NAV3: variants seen among roughly 807,000 people sequenced by gnomAD.
NAV3 encodes the protein neuron navigator 3.
A neutral mutation model predicts 244.7 loss-of-function variants in NAV3; 87 were observed. That is an observed-to-expected ratio of 0.36 (90% confidence interval 0.30 to 0.42). The LOEUF (loss-of-function observed/expected upper bound fraction) is 0.42, where lower values mean the gene tolerates loss of function less well. Ranked by LOEUF, NAV3 falls within the 20% of genes least tolerant of loss-of-function variation. The pLI is 1.00. For synonymous variants in NAV3, 1,126 were observed against 1,042.2 expected (o/e 1.08, Z -1.55); for missense variants, 2,663 against 2,893.3 (o/e 0.92, Z 1.83).
intron 2 of NAV3, among the ~76,000 whole-genome samples, chr12:77,701,657 C>T (rs1875569343): frequency 6.6e-6 from 1 of 151,884 alleles, no homozygotes; most frequent in Non-Finnish European, 1.5e-5. Context: ...AACTGCACCT[C>T]ACTAATTTTG....
chr12:78,159,177 CTA>C, intron 22 of NAV3, 24 bp from the exon 23 acceptor site: 1 of 1,594,836 alleles, frequency 6.3e-7, no homozygotes, highest in Non-Finnish European at 8.6e-7. Flanking sequence ...GACATTTAAA[CTA>C]TGTTTCTTCC....
chr12:77,748,824 T>C (rs1006224566), intron 2 of NAV3, among the ~76,000 whole-genome samples: 1 of 152,096 alleles, frequency 6.6e-6, no homozygotes, highest in Non-Finnish European at 1.5e-5. Context: ...CTCTAGTCAG[T>C]GATATTGTAT....
chr12:77,910,393 T>C (rs893890477), intron 1 of NAV3, among the ~76,000 whole-genome samples: 3 of 151,930 alleles, frequency 2.0e-5, no homozygotes, highest in Non-Finnish European at 2.9e-5. Context: ...CTGATTACCA[T>C]AGGGAGGGCA....
At chr12:78,105,196 G>C (rs980994328) in intron 12 of NAV3, among the ~76,000 whole-genome samples, 2 of 152,038 alleles carry the variant, frequency 1.3e-5, no homozygotes, top group East Asian at 3.9e-4. Flanking sequence ...AATTTGATGG[G>C]ACAGAAATGT....
At chr12:77,892,874 A>C (rs2136776714) in intron 1 of NAV3, among the ~76,000 whole-genome samples, 1 of 152,286 alleles carries the variant, frequency 6.6e-6, no homozygotes, top group African/African-American at 2.4e-5. Context: ...AAAAGTGATA[A>C]ATTTATGTTG....
intron 2 of NAV3, among the ~76,000 whole-genome samples, chr12:77,709,527 T>C (rs1364280536): frequency 6.6e-6 from 1 of 152,194 alleles, no homozygotes; most frequent in East Asian, 1.9e-4. Flanking sequence ...ATGGGTGCCA[T>C]GAAGATGCTT....
chr12:78,070,987 G>C (rs300419), intron 12 of NAV3, among the ~76,000 whole-genome samples: 1 of 142,308 alleles, frequency 7.0e-6, no homozygotes. Context: ...AGTCTTTGCT[G>C]TTGTGAATAA....
At chr12:78,159,314 T>G (rs1957428256) in intron 23 of NAV3, 28 bp downstream of exon 23, 1 of 1,583,332 alleles carries the variant, frequency 6.3e-7, no homozygotes, top group African/African-American at 1.4e-5. Flanking sequence ...CACTGGAGAC[T>G]GAAAGAAGAC....
Position 78,000,589 on chromosome 12 carries a change from C to T in NAV3, c.880+2113C>T, listed in dbSNP as rs1321371035. Among the ~76,000 whole-genome samples the T allele has an allele frequency of 1.8e-3, 256 of 140,992 alleles. 2 individuals are homozygous for T. Among genetic ancestry groups the T allele is most frequent in the African/African-American group, 6.4e-3 (243 of 38,258 alleles). 92.5% of individuals were successfully genotyped at this position (140,992 alleles called of 152,430 possible). A position where few individuals can be genotyped will look rare whatever the true frequency, so the allele number is the denominator to read the frequency against. Reference sequence around the variant, plus strand: ...CGCGATCTCGGCTCACTGCAAGCTCCGCCTCCCGGGTTCACGCCATTCACC... The same window carrying T: ...CGCGATCTCGGCTCACTGCAAGCTCTGCCTCCCGGGTTCACGCCATTCACC... On this transcript the variant is annotated intron_variant, in intron 7 of 39. Coordinates refer to ENST00000397909, the MANE Select transcript of NAV3 (RefSeq NM_001024383.2).
At chr12:77,717,620 T>C (rs1876420073) in intron 2 of NAV3, among the ~76,000 whole-genome samples, 1 of 152,122 alleles carries the variant, frequency 6.6e-6, no homozygotes, top group South Asian at 2.1e-4. Context: ...TATCCAGCAG[T>C]GGGATTGCTG....
At chr12:77,950,786 T>C (rs1265823040) in intron 3 of NAV3, 1 of 152,182 alleles carries the variant, frequency 6.6e-6, no homozygotes, top group Non-Finnish European at 1.5e-5. Flanking sequence ...CATGTGATCT[T>C]TGACAAACCT....
chr12:77,671,536 A>C (rs11106208), intron 2 of NAV3, among the ~76,000 whole-genome samples: 1 of 152,116 alleles, frequency 6.6e-6, no homozygotes, highest in African/African-American at 2.4e-5. Flanking sequence ...GTGGTCACCA[A>C]AACAGCATGA....
At chr12:78,039,497 A>G (rs1880487750) in intron 9 of NAV3, among the ~76,000 whole-genome samples, 1 of 152,094 alleles carries the variant, frequency 6.6e-6, no homozygotes. Context: ...CATCCAAATC[A>G]CTACTAGGGC....
At chr12:77,586,709 T>A (rs1024871438) in intron 2 of NAV3, among the ~76,000 whole-genome samples, 6 of 152,330 alleles carry the variant, frequency 3.9e-5, no homozygotes, top group African/African-American at 1.4e-4. Flanking sequence ...CACGTGTGGC[T>A]ATTTAGATTT....
intron 2 of NAV3, among the ~76,000 whole-genome samples, chr12:77,584,179 C>T (rs948691583): frequency 2.0e-5 from 3 of 152,162 alleles, no homozygotes; most frequent in Non-Finnish European, 4.4e-5. Context: ...TCAGCCTCTA[C>T]CAGGTCAGGG....
At chr12:77,586,595 A>G (rs1009804315) in intron 2 of NAV3, among the ~76,000 whole-genome samples, 2 of 152,240 alleles carry the variant, frequency 1.3e-5, no homozygotes, top group African/African-American at 4.8e-5. Flanking sequence ...ATTTTTGCCT[A>G]AGAGAAAGTA....
chr12:77,756,298 C>T (rs1475887540), intron 2 of NAV3, among the ~76,000 whole-genome samples: 1 of 152,062 alleles, frequency 6.6e-6, no homozygotes, highest in Non-Finnish European at 1.5e-5. Flanking sequence ...TAAGCTTTAG[C>T]CTATGGCTCA....
At chr12:77,648,882 C>G (rs1005701538) in intron 2 of NAV3, among the ~76,000 whole-genome samples, 4 of 151,978 alleles carry the variant, frequency 2.6e-5, no homozygotes, top group African/African-American at 9.7e-5. Context: ...CTGATTGTAA[C>G]ATGTATTGTT....
At chr12:77,997,225 G>A (rs1197351887) in intron 6 of NAV3, among the ~76,000 whole-genome samples, 2 of 115,088 alleles carry the variant, frequency 1.7e-5, no homozygotes, top group Non-Finnish European at 3.3e-5. Context: ...GCGACAGAGT[G>A]ACACCCTGTC....
Sources: allele counts gnomAD v4.1 joint callset (sites outside exome capture counted in the v4.1 genomes callset), GRCh38; gene constraint gnomAD v4.1.1; transcripts MANE v1.5; gene names NCBI Gene and HGNC (gene_info 2026-07-23, HGNC 2026-07-21).